TENM4: variants seen among roughly 807,000 people sequenced by gnomAD.
The protein encoded by TENM4 is teneurin-4.
TENM4 carries 82 observed loss-of-function variants against 243.3 expected under a neutral mutation model. The ratio of observed to expected loss-of-function variants is 0.34; its 90% confidence interval spans 0.28 to 0.40. The LOEUF is 0.40. Ranked by LOEUF, TENM4 falls within the 10% of genes least tolerant of loss-of-function variation. The pLI, the probability that TENM4 is intolerant of heterozygous loss-of-function variation, is 1.00. For missense variants in TENM4, 3,138 were observed against 3,673.3 expected (o/e 0.85, Z 3.77); for synonymous variants, 1,412 against 1,456.3 (o/e 0.97, Z 0.69).
chr11:78,791,386 G>A (rs1476233754), intron 15 of TENM4, among the ~76,000 whole-genome samples: 1 of 152,218 alleles, frequency 6.6e-6, no homozygotes, highest in Non-Finnish European at 1.5e-5. Flanking sequence ...TGCTTTGACA[G>A]CTCATATGTC....
intron 1 of TENM4, among the ~76,000 whole-genome samples, chr11:79,354,461 G>A (rs533085698): frequency 6.6e-6 from 1 of 152,346 alleles, no homozygotes; most frequent in Non-Finnish European, 1.5e-5. Flanking sequence ...AAGGCTCAAA[G>A]AGGTCACACA....
chr11:79,143,551 A>C lies in TENM4; in HGVS notation c.-66+5159T>G, dbSNP rs184121469. ...TGGGGTGGAGGGAGTGGGGAGGGATAGCATTAGGATAAATAACCTAATGTA... is the reference window on the plus strand; with the variant it reads ...TGGGGTGGAGGGAGTGGGGAGGGATCGCATTAGGATAAATAACCTAATGTA... On this transcript the variant is annotated intron_variant, in intron 4 of 33. Transcript: ENST00000278550. 7.2e-5 allele frequency among the ~76,000 whole-genome samples: 11 copies of C among 152,218 alleles called. No individual in the cohort carries two copies. In the East Asian group the frequency reaches 2.1e-3, roughly 29 times the overall value.
intron 4 of TENM4, among the ~76,000 whole-genome samples, chr11:79,104,127 T>A (rs1387671242): frequency 6.6e-6 from 1 of 152,158 alleles, no homozygotes; most frequent in East Asian, 1.9e-4. Flanking sequence ...CACCTCCCCC[T>A]GCTCTGTCAG....
chr11:79,199,649 C>G (rs879742983), intron 3 of TENM4, among the ~76,000 whole-genome samples: 9 of 152,212 alleles, frequency 5.9e-5, no homozygotes, highest in Admixed American at 1.3e-4. Flanking sequence ...TGGGGCTGGA[C>G]AGCTCACTTA....
chr11:78,973,638 T>C (rs1234871653), intron 6 of TENM4, among the ~76,000 whole-genome samples: 1 of 152,104 alleles, frequency 6.6e-6, no homozygotes, highest in East Asian at 1.9e-4. Context: ...AAGCCCTTGC[T>C]CTCAGAAGCT....
At position 78,807,113 on chromosome 11, in the gene TENM4, G is replaced by T. The variant is rs192646597; in HGVS notation, c.1979-1621C>A. Among the ~76,000 whole-genome samples, 138 of 152,260 alleles carry T rather than the reference G, an allele frequency of 9.1e-4. 2 individuals carry two copies. Among genetic ancestry groups the T allele is most frequent in the African/African-American group, 3.2e-3 (133 of 41,546 alleles). On this transcript the variant is annotated intron_variant, in intron 14 of 33. Coordinates refer to ENST00000278550, the MANE Select transcript of TENM4 (RefSeq NM_001098816.3). Reference sequence around the variant, plus strand: ...CATTCATACATCAACTGAAATTCAGGTTGCTTCCAACTTTTGGCTATTGTG... The same window carrying T: ...CATTCATACATCAACTGAAATTCAGTTTGCTTCCAACTTTTGGCTATTGTG...
chr11:79,378,211 T>C (rs472870), intron 1 of TENM4, among the ~76,000 whole-genome samples: 89,100 of 152,164 alleles, frequency 0.59, 26,052 homozygotes, highest in African/African-American at 0.61. Flanking sequence ...ATCTTGTGCA[T>C]GCCTGGATCT....
At chr11:78,838,975 T>C (rs1591062175) in intron 12 of TENM4, among the ~76,000 whole-genome samples, 2 of 152,238 alleles carry the variant, frequency 1.3e-5, no homozygotes, top group African/African-American at 4.8e-5. Context: ...TCTCCATTAA[T>C]TTGTAATTCT....
chr11:79,119,854 T>A (rs915930128), intron 4 of TENM4, among the ~76,000 whole-genome samples: 1 of 152,190 alleles, frequency 6.6e-6, no homozygotes, highest in African/African-American at 2.4e-5. Flanking sequence ...TAGAGCTTGA[T>A]GACTTGCAGG....
intron 4 of TENM4, among the ~76,000 whole-genome samples, chr11:79,138,562 C>T (rs1202462084): frequency 0.14 from 3,796 of 27,858 alleles, 266 homozygotes; most frequent in Non-Finnish European, 0.17. Flanking sequence ...TATATAAATA[C>T]ATAAAACATA....
intron 2 of TENM4, among the ~76,000 whole-genome samples, chr11:79,247,529 C>T (rs1855541670): frequency 6.6e-6 from 1 of 152,086 alleles, no homozygotes; most frequent in Admixed American, 6.6e-5. Flanking sequence ...TCTTCATCCA[C>T]AGCCACTGCC....
chr11:78,884,438 T>A (rs977751792), intron 9 of TENM4, among the ~76,000 whole-genome samples: 1 of 135,820 alleles, frequency 7.4e-6, no homozygotes, highest in Non-Finnish European at 1.6e-5. Context: ...GATCTTTTGA[T>A]TCTACATTGT....
At chr11:79,233,874 G>A (rs1309598127) in intron 2 of TENM4, among the ~76,000 whole-genome samples, 1 of 152,224 alleles carries the variant, frequency 6.6e-6, no homozygotes, top group Non-Finnish European at 1.5e-5. Context: ...GAGCGAAAAG[G>A]AAGAGGCCCT....
chr11:78,903,408 GC>G lies in TENM4; in HGVS notation c.608del (p.Gly203AlafsTer50). On this transcript the variant is annotated frameshift_variant, in exon 7 of 34. Coordinates refer to ENST00000278550, the MANE Select transcript of TENM4 (RefSeq NM_001098816.3). LOFTEE classifies it high-confidence loss of function. ...TGGGGTTGCTCCTCGGCGTGAAGTT[GC>G]CCCGGTTCAGGGAGTTAATGGAGGC... ...HAASINSLNR[G>X]NFTPRSNPSP... 6.5e-7 allele frequency: 1 copy of G among 1,539,736 alleles called. No homozygotes were observed.
chr11:79,249,366 A>G (rs1413513307), intron 2 of TENM4, among the ~76,000 whole-genome samples: 2 of 152,210 alleles, frequency 1.3e-5, no homozygotes, highest in Non-Finnish European at 2.9e-5. Context: ...AATCTAGCCC[A>G]TGCATTTTCC....
chr11:79,001,147 A>G (rs186609244), intron 6 of TENM4, among the ~76,000 whole-genome samples: 2 of 152,370 alleles, frequency 1.3e-5, no homozygotes, highest in East Asian at 3.9e-4. Context: ...GCAAGATCCA[A>G]TGATATATTG....
At chr11:79,038,047 C>T (rs759717469) in intron 6 of TENM4, among the ~76,000 whole-genome samples, 18 of 152,292 alleles carry the variant, frequency 1.2e-4, no homozygotes, top group Non-Finnish European at 2.1e-4. Flanking sequence ...GACCATCCTA[C>T]CCAGAGGTCC....
At chr11:79,248,420 C>T (rs9634005) in intron 2 of TENM4, among the ~76,000 whole-genome samples, 47,770 of 152,028 alleles carry the variant, frequency 0.31, 8,414 homozygotes, top group East Asian at 0.56. Context: ...CAGAAAGCAA[C>T]ATTTTGCTGG....
chr11:79,004,627 A>G (rs1441688414), intron 6 of TENM4, among the ~76,000 whole-genome samples: 3 of 152,172 alleles, frequency 2.0e-5, no homozygotes, highest in Non-Finnish European at 4.4e-5. Context: ...CTATAGCGCT[A>G]AACAGTCACA....
Sources: gnomAD v4.1 joint callset for allele counts (sites outside exome capture counted in the v4.1 genomes callset) on GRCh38, gnomAD v4.1.1 for gene constraint, MANE v1.5 for transcripts, NCBI Gene and HGNC (gene_info 2026-07-23, HGNC 2026-07-21) for gene names.